UBAP2: variants seen among roughly 807,000 people sequenced by gnomAD.
The protein encoded by UBAP2 is ubiquitin associated protein 2.
Under a neutral mutation model 139.6 loss-of-function variants are expected in UBAP2, and 75 were observed. That is an observed-to-expected ratio of 0.54 (90% CI 0.45 to 0.65). The LOEUF is 0.65. UBAP2 is among the 30% of genes least tolerant of loss of function. The probability of loss-of-function intolerance (pLI) is 0.00; values close to 1 mark genes in which losing one functional copy is unlikely to be tolerated. For missense variants in UBAP2, 1,368 were observed against 1,369.6 expected (o/e 1.00, Z 0.02); for synonymous variants, 526 against 526.2 (o/e 1.00, Z 0.01).
At chr9:34,048,993 G>A (rs1017834916), upstream of UBAP2, 7 of 152,402 alleles carry the variant, frequency 4.6e-5, no homozygotes, top group African/African-American at 1.4e-4. Context: ...CGCGGCTTCA[G>A]AGTCAGCCTA....
At position 33,932,648 on chromosome 9, in the gene UBAP2, G is replaced by A. The variant is rs367758220; in HGVS notation, c.2109-20C>T. On this transcript the variant is annotated intron_variant, in intron 18 of 28. Coordinates refer to ENST00000379238, the MANE Select transcript of UBAP2 (RefSeq NM_001370062.2). ...AGCGAACTAGAAGACAAAACAGAGC[G>A]CCGTATGTCCACCTGAACAAGTGAC... The A allele has an allele frequency of 2.2e-5, 35 of 1,613,054 alleles. No individual in the cohort carries two copies. The highest frequency in any genetic ancestry group is 4.4e-5 in the South Asian group (4 of 90,874).
intron 11 of UBAP2, among the ~76,000 whole-genome samples, chr9:33,954,091 G>C (rs1282816468): frequency 6.6e-6 from 1 of 151,956 alleles, no homozygotes; most frequent in Non-Finnish European, 1.5e-5. Flanking sequence ...ATTTTTAGTA[G>C]AGACAGGGTT....
chr9:34,013,603 G>A (rs1387119947), intron 2 of UBAP2, among the ~76,000 whole-genome samples: 2 of 152,096 alleles, frequency 1.3e-5, no homozygotes, highest in South Asian at 4.1e-4. Context: ...CCGGCAGGGC[G>A]TGGTAACTCA....
chr9:34,014,251 CCA>C (rs1030686909), intron 2 of UBAP2, among the ~76,000 whole-genome samples: 1 of 139,752 alleles, frequency 7.2e-6, no homozygotes, highest in Non-Finnish European at 1.5e-5. Context: ...CGCCTGAACC[CCA>C]GAGGCGGAGG....
chr9:34,030,817 C>T (rs547236562), intron 1 of UBAP2, among the ~76,000 whole-genome samples: 1 of 152,012 alleles, frequency 6.6e-6, no homozygotes, highest in South Asian at 2.1e-4. Context: ...GTAGTCCCAA[C>T]AACCCAGAAG....
chr9:34,014,701 AAG>A (rs1824092029), intron 2 of UBAP2, among the ~76,000 whole-genome samples: 1 of 151,936 alleles, frequency 6.6e-6, no homozygotes, highest in East Asian at 1.9e-4. Flanking sequence ...AGGCTGAGGC[AAG>A]AGAATCACTT....
At chr9:34,005,703 A>G (rs955678276) in intron 2 of UBAP2, among the ~76,000 whole-genome samples, 4 of 152,136 alleles carry the variant, frequency 2.6e-5, no homozygotes, top group Non-Finnish European at 5.9e-5. Context: ...GGAGAAAAGA[A>G]AGCAAAGTGT....
At chr9:34,028,251 G>A (rs1038664333) in intron 1 of UBAP2, among the ~76,000 whole-genome samples, 4 of 151,906 alleles carry the variant, frequency 2.6e-5, no homozygotes, top group African/African-American at 7.3e-5. Context: ...ATTTGATATC[G>A]TCACAATTCT....
At chr9:33,959,430 T>C (rs1286345134) in intron 10 of UBAP2, among the ~76,000 whole-genome samples, 2 of 152,212 alleles carry the variant, frequency 1.3e-5, no homozygotes, top group African/African-American at 4.8e-5. Flanking sequence ...GTATATAGTT[T>C]TGAGGATCTG....
chr9:34,037,254 C>G (rs1346790514), intron 1 of UBAP2, among the ~76,000 whole-genome samples: 1 of 152,172 alleles, frequency 6.6e-6, no homozygotes, highest in African/African-American at 2.4e-5. Flanking sequence ...CCCCAAAGTG[C>G]TGGGATTACA....
chr9:33,998,873 T>C lies in UBAP2; in HGVS notation c.100-9A>G, dbSNP rs773500930. On this transcript the variant is annotated splice_polypyrimidine_tract_variant and intron_variant, in intron 2 of 28. Coordinates refer to ENST00000379238, the MANE Select transcript of UBAP2 (RefSeq NM_001370062.2). ...ATCTGTTCAGCTGTTGCCTGGAAAG[T>C]ACATACAATTGTTAAGGATTTGAAC... The C allele has an allele frequency of 3.1e-6, 5 of 1,607,618 alleles. No individual in the cohort carries two copies. The highest frequency in any genetic ancestry group is 4.2e-6 in the Non-Finnish European group (5 of 1,178,784).
chr9:34,013,475 G>A lies in UBAP2; in HGVS notation c.99+3575C>T, dbSNP rs1223195940. On this transcript the variant is annotated intron_variant, in intron 2 of 28. Coordinates refer to ENST00000379238, the MANE Select transcript of UBAP2 (RefSeq NM_001370062.2). ...CATTGCACTCCAGCCTGGACAACAA[G>A]AGCAAAACTCCGTCTCAAAAAATAA... 4.0e-5 allele frequency among the ~76,000 whole-genome samples: 6 copies of A among 150,108 alleles called. No homozygotes were observed. The Admixed American group carries it at 4.0e-4, about 10-fold the overall frequency.
intron 22 of UBAP2, among the ~76,000 whole-genome samples, chr9:33,926,396 C>T (rs150454116): frequency 6.6e-6 from 1 of 152,286 alleles, no homozygotes; most frequent in East Asian, 1.9e-4. Context: ...GTCCCAAAGG[C>T]CTTCATGTTT....
intron 1 of UBAP2, among the ~76,000 whole-genome samples, chr9:34,032,926 A>AAG (rs1554692330): frequency 1.3e-5 from 2 of 151,878 alleles, no homozygotes; most frequent in African/African-American, 4.8e-5. Context: ...CAAAAAAAAA[A>AAG]AAAAAAAAAT....
intron 1 of UBAP2, among the ~76,000 whole-genome samples, chr9:34,019,400 G>A (rs1824697404): frequency 6.6e-6 from 1 of 151,924 alleles, no homozygotes; most frequent in Non-Finnish European, 1.5e-5. Context: ...AAAACTCTCG[G>A]GGCAAGGGGT....
At position 33,989,050 on chromosome 9, in the gene UBAP2, T is replaced by G. The variant is rs1016355679; in HGVS notation, c.365A>C (p.Lys122Thr). Residue 122 changes from lysine to threonine, a missense_variant, in exon 5 of 29, where the codon AAG becomes ACG. Lys to Thr is a moderately conservative substitution (Grantham distance 78, BLOSUM62 -1). Coordinates refer to ENST00000379238, the MANE Select transcript of UBAP2 (RefSeq NM_001370062.2). ...ENSENKENRE[K>T]KSEKESSRGR... ...ACGACTCGATTCTTTCTCGCTTTTCTTCTCTCTATTCTCTTTGTTTTCTGA... is the reference window on the plus strand; with the variant it reads ...ACGACTCGATTCTTTCTCGCTTTTCGTCTCTCTATTCTCTTTGTTTTCTGA... 14 of 1,614,000 alleles carry G rather than the reference T, an allele frequency of 8.7e-6. No homozygotes were observed. Among genetic ancestry groups the G allele is most frequent in the Non-Finnish European group, 1.2e-5 (14 of 1,180,024 alleles).
rs1470745776 is a variant in UBAP2, at chr9:33,933,566, A to C, written c.2032T>G (p.Ser678Ala). 6.2e-6 allele frequency: 10 copies of C among 1,613,850 alleles called. No homozygotes were observed. Among genetic ancestry groups the C allele is most frequent in the Non-Finnish European group, 8.5e-6 (10 of 1,180,020 alleles). Residue 678 changes from serine (S) to alanine (A), a missense_variant, in exon 18 of 29, where the codon TCC becomes GCC. Coordinates refer to ENST00000379238, the MANE Select transcript of UBAP2 (RefSeq NM_001370062.2). ...PSVSSLPSTTSCTALLPSTSQ... is the reference protein window; with the variant it reads ...PSVSSLPSTTACTALLPSTSQ... ...GTGGACGGCAGAAGTGCAGTGCAGG[A>C]GGTGGTGCTGGGCAGGGAGCTCACA... is the stretch of plus-strand genomic sequence containing the variant.
At chr9:34,028,677 G>T (rs1033227861) in intron 1 of UBAP2, among the ~76,000 whole-genome samples, 7 of 151,926 alleles carry the variant, frequency 4.6e-5, no homozygotes, top group Admixed American at 1.3e-4. Flanking sequence ...ACTGCGACCA[G>T]CCTTAAACCT....
chr9:33,970,587 T>C (rs1261215001), intron 8 of UBAP2, among the ~76,000 whole-genome samples: 1 of 146,216 alleles, frequency 6.8e-6, no homozygotes, highest in Admixed American at 6.8e-5. Context: ...CACACCACCA[T>C]GCCATGCTAA....
Sources: gnomAD v4.1 joint callset for allele counts (sites outside exome capture counted in the v4.1 genomes callset) on GRCh38, gnomAD v4.1.1 for gene constraint, MANE v1.5 for transcripts, NCBI Gene and HGNC (gene_info 2026-07-23, HGNC 2026-07-21) for gene names.